Variants in MYO16 observed in about 807,000 individuals in gnomAD.
MYO16 encodes the protein unconventional myosin-XVI.
MYO16 carries 94 observed loss-of-function variants against 205.3 expected under a neutral mutation model. That is an observed-to-expected ratio of 0.46 (90% confidence interval 0.39 to 0.54). The LOEUF (loss-of-function observed/expected upper bound fraction) is 0.54. Among genes scored for constraint, MYO16 ranks in the 20% least tolerant of loss-of-function variants. The pLI is 0.00. For synonymous variants in MYO16, 988 were observed against 954.0 expected (o/e 1.04, Z -0.66); for missense variants, 2,315 against 2,387.5 (o/e 0.97, Z 0.63).
chr13:108,968,574 C>A (rs915489250), intron 20 of MYO16, among the ~76,000 whole-genome samples: 1 of 151,860 alleles, frequency 6.6e-6, no homozygotes, highest in Non-Finnish European at 1.5e-5. Context: ...TGCAGTAAGC[C>A]GAGATCGTGC....
chr13:108,680,789 G>C (rs78803960), intron 2 of MYO16, among the ~76,000 whole-genome samples: 1,804 of 152,254 alleles, frequency 0.012, 35 homozygotes, highest in African/African-American at 0.041. Context: ...GGGAGATGAG[G>C]GAGTGTATGG....
the MYO16 span, among the ~76,000 whole-genome samples, chr13:108,500,332 C>G: frequency 2.7e-5 from 4 of 148,686 alleles, no homozygotes; most frequent in South Asian, 8.6e-4. Flanking sequence ...CGGGTTCAAG[C>G]GATTCTCCTG....
chr13:108,676,791 G>T (rs960817873), intron 2 of MYO16, among the ~76,000 whole-genome samples: 1 of 152,164 alleles, frequency 6.6e-6, no homozygotes, highest in African/African-American at 2.4e-5. Context: ...TCCCAGAATG[G>T]GAAATGTACT....
chr13:108,792,556 G>C (rs1204567665), intron 5 of MYO16, among the ~76,000 whole-genome samples: 1 of 144,804 alleles, frequency 6.9e-6, no homozygotes, highest in African/African-American at 2.5e-5. Flanking sequence ...TTGGTGCCCA[G>C]GCTGGAGTGC....
rs574207356 is a variant in MYO16 at position 108,989,753 on chromosome 13, C to T, written c.2370-2623C>T. On this transcript the variant is annotated intron_variant, in intron 20 of 34. Transcript: ENST00000457511. ...AAATTGTTTTTGAGGAAGGCTCTACCGATTTAAACTGTCAGAAAAAGTATA... is the reference window on the plus strand; with the variant it reads ...AAATTGTTTTTGAGGAAGGCTCTACTGATTTAAACTGTCAGAAAAAGTATA... 5.3e-5 allele frequency among the ~76,000 whole-genome samples: 8 copies of T among 151,992 alleles called. No homozygotes were observed. In the East Asian group the frequency reaches 5.8e-4, roughly 11 times the overall value.
At chr13:108,640,206 A>T (rs1880440618) in intron 1 of MYO16, among the ~76,000 whole-genome samples, 2 of 152,222 alleles carry the variant, frequency 1.3e-5, no homozygotes, top group South Asian at 4.1e-4. Context: ...AGGAGTTAAG[A>T]TGTCTTCAAT....
chr13:108,774,409 A>G (rs916006342), intron 4 of MYO16, among the ~76,000 whole-genome samples: 14 of 152,236 alleles, frequency 9.2e-5, no homozygotes, highest in Non-Finnish European at 2.9e-5. Context: ...TCCAGTTTCA[A>G]TAATTAGACA....
At chr13:108,912,270 C>T (rs1881300245) in intron 16 of MYO16, among the ~76,000 whole-genome samples, 1 of 152,146 alleles carries the variant, frequency 6.6e-6, no homozygotes, top group Non-Finnish European at 1.5e-5. Flanking sequence ...TCAGTGAAGA[C>T]ATCCAGGGCT....
intron 12 of MYO16, 139 bp from the exon 13 acceptor site, chr13:108,882,920 G>T: frequency 8.1e-7 from 1 of 1,236,772 alleles, no homozygotes; most frequent in Non-Finnish European, 1.1e-6. Flanking sequence ...TTTTACAAAT[G>T]TTTTTACATA....
chr13:108,607,417 G>A (rs542575177), intron 1 of MYO16, among the ~76,000 whole-genome samples: 2 of 152,104 alleles, frequency 1.3e-5, no homozygotes, highest in Non-Finnish European at 2.9e-5. Context: ...CCCCTATGCA[G>A]TTCTCATGAC....
chr13:108,636,484 A>G (rs1290944791), intron 1 of MYO16, among the ~76,000 whole-genome samples: 1 of 149,262 alleles, frequency 6.7e-6, no homozygotes, highest in East Asian at 2.0e-4. Flanking sequence ...GGTTCGAGCA[A>G]TTCTCCTGCC....
At chr13:108,672,503 T>G (rs1882033396) in intron 2 of MYO16, among the ~76,000 whole-genome samples, 1 of 152,252 alleles carries the variant, frequency 6.6e-6, no homozygotes, top group African/African-American at 2.4e-5. Context: ...GTTTATAGTA[T>G]GTCATTTAAA....
chr13:108,687,948 A>G (rs972480642), intron 2 of MYO16, among the ~76,000 whole-genome samples: 5 of 152,178 alleles, frequency 3.3e-5, no homozygotes, highest in Non-Finnish European at 7.4e-5. Flanking sequence ...GCCTAAAACC[A>G]TATTACATGA....
At chr13:109,022,713 A>G (rs1178961209) in intron 23 of MYO16, among the ~76,000 whole-genome samples, 1 of 90,830 alleles carries the variant, frequency 1.1e-5, no homozygotes, top group African/African-American at 3.6e-5. Context: ...TATTATATAT[A>G]CGCATATAAA....
At chr13:108,507,775 T>A in the MYO16 span, among the ~76,000 whole-genome samples, 1 of 152,174 alleles carries the variant, frequency 6.6e-6, no homozygotes, top group Non-Finnish European at 1.5e-5. Flanking sequence ...CAGTGATGTC[T>A]CATAAGTATC....
chr13:108,799,454 A>G (rs560448097), intron 6 of MYO16, among the ~76,000 whole-genome samples: 36 of 152,326 alleles, frequency 2.4e-4, no homozygotes, highest in Non-Finnish European at 5.0e-4. Flanking sequence ...TCTAGTAATT[A>G]CCATGATTTT....
intron 33 of MYO16, among the ~76,000 whole-genome samples, chr13:109,167,457 C>T (rs948319839): frequency 6.6e-6 from 1 of 151,716 alleles, no homozygotes; most frequent in African/African-American, 2.4e-5. Flanking sequence ...AGACAGAAAA[C>T]AGCTGAGTGG....
At chr13:108,880,190 G>A (rs529559227) in intron 12 of MYO16, among the ~76,000 whole-genome samples, 1 of 152,162 alleles carries the variant, frequency 6.6e-6, no homozygotes, top group Admixed American at 6.5e-5. Flanking sequence ...ATATCCTTTG[G>A]CCACTTTTTG....
chr13:109,182,876 G>A (rs1159066405), intron 34 of MYO16, among the ~76,000 whole-genome samples: 1 of 152,150 alleles, frequency 6.6e-6, no homozygotes, highest in Non-Finnish European at 1.5e-5. Flanking sequence ...TACATAAAAT[G>A]TTTGAAACTA....
Sources: gnomAD v4.1 joint callset for allele counts (sites outside exome capture counted in the v4.1 genomes callset) on GRCh38, gnomAD v4.1.1 for gene constraint, MANE v1.5 for transcripts, NCBI Gene and HGNC (gene_info 2026-07-23, HGNC 2026-07-21) for gene names.